Variants in TPX2 observed in about 807,000 individuals in gnomAD.
The protein encoded by TPX2 is TPX2 microtubule nucleation factor.
TPX2 carries 21 observed loss-of-function variants against 93.6 expected under a neutral mutation model. The ratio of observed to expected loss-of-function variants is 0.22; its 90% CI spans 0.16 to 0.32. TPX2 has a LOEUF of 0.32. Among genes scored for constraint, TPX2 ranks in the 10% least tolerant of loss-of-function variants. The pLI, the probability that TPX2 is intolerant of heterozygous loss-of-function variation, is 1.00. For missense variants in TPX2, 776 were observed against 871.1 expected (o/e 0.89, Z 1.37); for synonymous variants, 281 against 298.3 (o/e 0.94, Z 0.60).
chr20:31,757,361 T>C, intron 2 of TPX2, 46 bp from the exon 3 acceptor site: 1 of 811,282 alleles, frequency 1.2e-6, no homozygotes, highest in Non-Finnish European at 2.0e-6. Context: ...ACCAAAGTAA[T>C]GATGGGAATT....
intron 2 of TPX2, among the ~76,000 whole-genome samples, chr20:31,749,294 C>T (rs750021012): frequency 3.9e-5 from 6 of 152,174 alleles, no homozygotes; most frequent in Non-Finnish European, 7.4e-5. Flanking sequence ...ACACCACCTT[C>T]GGTGTCTATT....
intron 4 of TPX2, 59 bp from the exon 5 acceptor site, chr20:31,766,497 C>G (rs113969423): frequency 6.0e-5 from 75 of 1,243,772 alleles, no homozygotes; most frequent in Middle Eastern, 2.4e-4. Flanking sequence ...GTGTGTGTGT[C>G]TCATCTCCAA....
At position 31,782,401 on chromosome 20, in the gene TPX2, C is replaced by CTGT. The variant is rs751756173; in HGVS notation, c.1196+13_1196+14insTTG. 1.3e-6 allele frequency: 2 copies of CTGT among 1,598,038 alleles called. No individual in the cohort carries two copies. Among genetic ancestry groups the CTGT allele is most frequent in the South Asian group, 2.3e-5 (2 of 88,800 alleles). On this transcript the variant is annotated intron_variant, in intron 11 of 17. Transcript: ENST00000300403. ...CGAGAAATTGCAACAGTAAGTCCCA[C>CTGT]TGGCAGTATCTGAGGAAGAGTTCCA... is the stretch of plus-strand genomic sequence containing the variant.
intron 2 of TPX2, among the ~76,000 whole-genome samples, chr20:31,745,390 C>T (rs2061777847): frequency 6.8e-6 from 1 of 147,422 alleles, no homozygotes; most frequent in Non-Finnish European, 1.5e-5. Flanking sequence ...AATACAGTGG[C>T]ACAATCTCAG....
intron 12 of TPX2, among the ~76,000 whole-genome samples, chr20:31,790,555 G>A (rs1256244503): frequency 6.6e-6 from 1 of 152,198 alleles, no homozygotes; most frequent in African/African-American, 2.4e-5. Context: ...TGTCTTGCAT[G>A]GTCCAGAAAG....
At chr20:31,790,164 C>T (rs763429303) in intron 12 of TPX2, among the ~76,000 whole-genome samples, 1 of 152,176 alleles carries the variant, frequency 6.6e-6, no homozygotes, top group African/African-American at 2.4e-5. Flanking sequence ...CATCATTTGA[C>T]AACCCATTTC....
At chr20:31,793,773 GTCTTC>G in intron 13 of TPX2, 70 bp from the exon 14 acceptor site, 1 of 1,359,648 alleles carries the variant, frequency 7.4e-7, no homozygotes, top group Non-Finnish European at 9.9e-7. Context: ...TTAATATAAT[GTCTTC>G]TGACTCCACA....
intron 10 of TPX2, 90 bp downstream of exon 10, chr20:31,779,074 A>G (rs982410336): frequency 1.4e-6 from 2 of 1,392,544 alleles, no homozygotes; most frequent in African/African-American, 2.9e-5. Flanking sequence ...TTTAGCTGAA[A>G]TCCTAGTTTT....
chr20:31,801,373 C>T lies in TPX2; in HGVS notation c.*293C>T, dbSNP rs1308799179. 1 of 305,908 alleles carries T rather than the reference C, an allele frequency of 3.3e-6. No individual in the cohort carries two copies. The highest frequency in any genetic ancestry group is 2.1e-5 in the African/African-American group (1 of 46,960). 18.9% of individuals were successfully genotyped at this position (305,908 alleles called of 1,614,324 possible). ...CCTTTTATATGGGTCTTCACTCTGA[C>T]TAGAATTTAGTCTCTGTGTCAGCAC... On this transcript the variant is annotated 3_prime_UTR_variant, in exon 18 of 18. Coordinates refer to ENST00000300403, the MANE Select transcript of TPX2 (RefSeq NM_012112.5).
chr20:31,760,333 G>C (rs1384914726), intron 4 of TPX2, among the ~76,000 whole-genome samples, 154 bp downstream of exon 4: 3 of 151,664 alleles, frequency 2.0e-5, no homozygotes, highest in African/African-American at 7.3e-5. Flanking sequence ...TAAAACTAAT[G>C]ATGTGCTACA....
At chr20:31,794,159 G>T in intron 14 of TPX2, 135 bp downstream of exon 14, 1 of 1,113,112 alleles carries the variant, frequency 9.0e-7, no homozygotes, top group Non-Finnish European at 1.3e-6. Flanking sequence ...AATATAAATG[G>T]GACAAGTAAT....
At chr20:31,769,471 G>A (rs913683553) in intron 5 of TPX2, among the ~76,000 whole-genome samples, 3 of 151,750 alleles carry the variant, frequency 2.0e-5, no homozygotes, top group South Asian at 2.1e-4. Context: ...GGCGCCCGCC[G>A]CCACGCCTGG....
At chr20:31,798,076 ATCTT>A (rs1489040825) in intron 16 of TPX2, among the ~76,000 whole-genome samples, 1 of 152,194 alleles carries the variant, frequency 6.6e-6, no homozygotes, top group East Asian at 1.9e-4. Context: ...GAATATTGGG[ATCTT>A]TCTTCTATGT....
At chr20:31,799,918 AAAAG>A (rs2062159815) in intron 17 of TPX2, among the ~76,000 whole-genome samples, 12 of 150,932 alleles carry the variant, frequency 8.0e-5, no homozygotes, top group Admixed American at 7.9e-4. Flanking sequence ...AAAAAAAAAA[AAAAG>A]AAGTGTAAGT....
chr20:31,777,391 T>C (rs757927017), intron 8 of TPX2, 96 bp from the exon 9 acceptor site: 17 of 1,446,826 alleles, frequency 1.2e-5, no homozygotes, highest in Non-Finnish European at 1.5e-5. Context: ...GTTAGATCCA[T>C]GGTGACAGAA....
chr20:31,750,249 C>G (rs1044186084), intron 2 of TPX2, among the ~76,000 whole-genome samples: 14 of 152,026 alleles, frequency 9.2e-5, no homozygotes, highest in African/African-American at 1.4e-4. Context: ...CCTCCACCCC[C>G]CAGGTTCAAG....
intron 7 of TPX2, among the ~76,000 whole-genome samples, chr20:31,773,143 ATTTTTTTTTT>A (rs769516478): frequency 2.9e-5 from 3 of 102,358 alleles, no homozygotes; most frequent in African/African-American, 8.0e-5. Flanking sequence ...CACCCGGCTA[ATTTTTTTTTT>A]TTTTTTTTTT....
intron 17 of TPX2, among the ~76,000 whole-genome samples, chr20:31,800,657 T>C (rs1427544063): frequency 6.6e-6 from 1 of 152,196 alleles, no homozygotes; most frequent in Admixed American, 6.5e-5. Context: ...ACAGCCCTAT[T>C]ATACCCTAGT....
chr20:31,764,136 A>ATGTG (rs1431238141), intron 4 of TPX2, among the ~76,000 whole-genome samples: 5 of 149,700 alleles, frequency 3.3e-5, no homozygotes, highest in Non-Finnish European at 7.5e-5. Context: ...ATATGTACAT[A>ATGTG]TACATGTATG....
Sources: gnomAD v4.1 joint callset for allele counts (sites outside exome capture counted in the v4.1 genomes callset) on GRCh38, gnomAD v4.1.1 for gene constraint, MANE v1.5 for transcripts, NCBI Gene and HGNC (gene_info 2026-07-23, HGNC 2026-07-21) for gene names.